Variants in ADAMTS18 observed in about 807,000 individuals in gnomAD.
ADAMTS18 encodes the protein A disintegrin and metalloproteinase with thrombospondin motifs 18.
In ADAMTS18, 157 loss-of-function variants were observed where a neutral mutation model predicts 165.9. That is an observed-to-expected ratio of 0.95 (90% CI 0.83 to 1.08). ADAMTS18 has a LOEUF of 1.08. Ranked by LOEUF, ADAMTS18 falls within the 50% of genes least tolerant of loss-of-function variation. The probability of loss-of-function intolerance (pLI) is 0.00; values close to 1 mark genes in which losing one functional copy is unlikely to be tolerated. For missense variants in ADAMTS18, 2,040 were observed against 1,534.0 expected (o/e 1.33, Z -5.51); for synonymous variants, 782 against 578.2 (o/e 1.35, Z -5.06).
chr16:77,310,794 A>G (rs74025795), intron 16 of ADAMTS18, among the ~76,000 whole-genome samples: 8,608 of 151,996 alleles, frequency 0.057, 670 homozygotes, highest in African/African-American at 0.17. Context: ...CTCCCAGCTA[A>G]TTTTTGTATT....
At chr16:77,304,008 C>A (rs563009362) in intron 16 of ADAMTS18, among the ~76,000 whole-genome samples, 2 of 152,014 alleles carry the variant, frequency 1.3e-5, no homozygotes, top group South Asian at 4.1e-4. Flanking sequence ...CCAGCCTGGG[C>A]GACAGAGCAA....
chr16:77,308,669 T>C (rs2055725862), intron 16 of ADAMTS18, among the ~76,000 whole-genome samples: 1 of 152,056 alleles, frequency 6.6e-6, no homozygotes, highest in South Asian at 2.1e-4. Context: ...CCATATTGCT[T>C]AAACAAAGGA....
At chr16:77,423,946 C>A (rs945076140) in intron 3 of ADAMTS18, among the ~76,000 whole-genome samples, 1 of 152,158 alleles carries the variant, frequency 6.6e-6, no homozygotes, top group Non-Finnish European at 1.5e-5. Context: ...CTTCAATGGC[C>A]ATTTCCTTCC....
intron 22 of ADAMTS18, among the ~76,000 whole-genome samples, chr16:77,286,263 C>G (rs1015478394): frequency 6.6e-6 from 1 of 152,154 alleles, no homozygotes; most frequent in East Asian, 1.9e-4. Flanking sequence ...AGTGGTCGTG[C>G]CTGATCATTA....
chr16:77,324,361 T>C (rs1312419111), intron 13 of ADAMTS18, among the ~76,000 whole-genome samples: 1 of 152,230 alleles, frequency 6.6e-6, no homozygotes, highest in Non-Finnish European at 1.5e-5. Context: ...AGAATGCCTC[T>C]AGTGATGGGG....
At chr16:77,342,113 G>A (rs1029926019) in intron 10 of ADAMTS18, among the ~76,000 whole-genome samples, 9 of 152,150 alleles carry the variant, frequency 5.9e-5, no homozygotes, top group South Asian at 2.1e-4. Flanking sequence ...GATAACCGTC[G>A]TAGCAGAATA....
chr16:77,379,557 C>T (rs188510807), intron 3 of ADAMTS18, among the ~76,000 whole-genome samples: 7 of 152,204 alleles, frequency 4.6e-5, no homozygotes, highest in South Asian at 4.1e-4. Context: ...GGAGCTATTT[C>T]GGCTCACTGC....
Position 77,380,280 on chromosome 16 carries a change from C to T in ADAMTS18, c.496-12557G>A, listed in dbSNP as rs531103098. Reference sequence around the variant, plus strand: ...GTCTTCAAAGCCCTTCAACTATAACCGTCTGTACGGATGTAAATGTCATCT... The same window carrying T: ...GTCTTCAAAGCCCTTCAACTATAACTGTCTGTACGGATGTAAATGTCATCT... On this transcript the variant is annotated intron_variant, in intron 3 of 22. Coordinates refer to ENST00000282849, the MANE Select transcript of ADAMTS18 (RefSeq NM_199355.4). Among the ~76,000 whole-genome samples the T allele has an allele frequency of 1.2e-3, 183 of 152,296 alleles. 1 individual carries two copies. Among genetic ancestry groups the T allele is most frequent in the Middle Eastern group, 3.4e-3 (1 of 294 alleles).
intron 3 of ADAMTS18, among the ~76,000 whole-genome samples, chr16:77,391,801 G>A (rs141547899): frequency 2.0e-5 from 3 of 152,216 alleles, no homozygotes; most frequent in Non-Finnish European, 4.4e-5. Flanking sequence ...CAGGCAAGGG[G>A]ACCCAGGAAT....
At chr16:77,314,133 C>T (rs559325397) in intron 16 of ADAMTS18, among the ~76,000 whole-genome samples, 3 of 152,174 alleles carry the variant, frequency 2.0e-5, no homozygotes, top group Admixed American at 6.5e-5. Context: ...CTTTGAGGGA[C>T]GTCCACCAAA....
chr16:77,432,998 G>C (rs1176152917), intron 2 of ADAMTS18, among the ~76,000 whole-genome samples: 3 of 152,088 alleles, frequency 2.0e-5, no homozygotes, highest in Non-Finnish European at 4.4e-5. Context: ...TAAAAATGCT[G>C]TATAATTGAC....
rs755079078 is a variant in ADAMTS18 at position 77,353,744 on chromosome 16, C to T, written c.1603G>A (p.Gly535Ser). ...ACAAGCAAACATACCTTCACAAAACCAAGGCTGCATAACTTGGCTTTTGCT... is the reference window on the plus strand; with the variant it reads ...ACAAGCAAACATACCTTCACAAAACTAAGGCTGCATAACTTGGCTTTTGCT... ...FGAKAKLCSL[G>S]FVKDICKSLW... The change falls in exon 10 of 23, where the codon GGT (glycine) becomes AGT (serine). Residue 535 changes from glycine to serine, a missense_variant. Physicochemically the swap from Gly to Ser is moderately conservative, Grantham distance 56 (BLOSUM62 0). Coordinates refer to ENST00000282849, the MANE Select transcript of ADAMTS18 (RefSeq NM_199355.4). The T allele has an allele frequency of 2.5e-6, 4 of 1,614,110 alleles. No individual in the cohort carries two copies. Among genetic ancestry groups the T allele is most frequent in the Middle Eastern group, 1.6e-4 (1 of 6,062 alleles).
At chr16:77,362,974 G>C (rs1386416058) in intron 6 of ADAMTS18, among the ~76,000 whole-genome samples, 2 of 152,144 alleles carry the variant, frequency 1.3e-5, no homozygotes, top group Admixed American at 1.3e-4. Flanking sequence ...AAAACCATTT[G>C]ACAAGCTGTT....
In ADAMTS18 at chr16:77,300,280, G is replaced by C. The variant is rs1470019799; in HGVS notation, c.2657C>G (p.Ser886Cys). Reference protein sequence around the residue: ...YTWSIVQSECSVSCGGGYINV... With the variant: ...YTWSIVQSECCVSCGGGYINV... ...TCATCTACCTCCACCACAGGAGACG[G>C]AGCACTCTGACTGCACGATACTCCA... is the stretch of plus-strand genomic sequence containing the variant. Residue 886 changes from serine to cysteine, a missense_variant, in exon 17 of 23, where the codon TCC becomes TGC. Coordinates refer to ENST00000282849, the MANE Select transcript of ADAMTS18 (RefSeq NM_199355.4). 6.2e-7 allele frequency: 1 copy of C among 1,614,058 alleles called. No homozygotes were observed. The highest frequency in any genetic ancestry group is 8.5e-7 in the Non-Finnish European group (1 of 1,179,960).
At position 77,293,239 on chromosome 16, in the gene ADAMTS18, C is replaced by T. The variant is rs142167857; in HGVS notation, c.3026G>A (p.Arg1009Gln). Reference protein sequence around the residue: ...PWSQCSKTCGRGVRKRELLCK... With the variant: ...PWSQCSKTCGQGVRKRELLCK... ...GAGGAGTTCACGCTTCCTCACCCCT[C>T]GTCCACAGGTCTTGGAACACTTGAG... Residue 1009 changes from arginine to glutamine, a missense_variant, in exon 20 of 23, where the codon CGA becomes CAA. Coordinates refer to ENST00000282849, the MANE Select transcript of ADAMTS18 (RefSeq NM_199355.4). 116 of 1,613,750 alleles carry T rather than the reference C, an allele frequency of 7.2e-5. No homozygotes were observed. The highest frequency in any genetic ancestry group is 2.5e-4 in the African/African-American group (19 of 74,898).
At chr16:77,386,645 T>C (rs1325507421) in intron 3 of ADAMTS18, among the ~76,000 whole-genome samples, 2 of 152,180 alleles carry the variant, frequency 1.3e-5, no homozygotes, top group Admixed American at 6.6e-5. Context: ...TTGTGACCCC[T>C]GCCCTAATTC....
intron 12 of ADAMTS18, among the ~76,000 whole-genome samples, chr16:77,327,109 C>T (rs2056108268): frequency 6.6e-6 from 1 of 152,196 alleles, no homozygotes; most frequent in Non-Finnish European, 1.5e-5. Flanking sequence ...GATGGGCATT[C>T]AGGTTGATTC....
At chr16:77,422,639 G>A (rs2057618564) in intron 3 of ADAMTS18, among the ~76,000 whole-genome samples, 1 of 151,384 alleles carries the variant, frequency 6.6e-6, no homozygotes, top group Non-Finnish European at 1.5e-5. Flanking sequence ...AGGGAAGAAA[G>A]GAAAGAAGAA....
intron 22 of ADAMTS18, among the ~76,000 whole-genome samples, chr16:77,288,047 C>A (rs2055289406): frequency 1.3e-5 from 2 of 152,134 alleles, no homozygotes; most frequent in Non-Finnish European, 2.9e-5. Flanking sequence ...TTTCATGTAG[C>A]CCTACACTCA....
Sources: allele counts gnomAD v4.1 joint callset (sites outside exome capture counted in the v4.1 genomes callset), GRCh38; gene constraint gnomAD v4.1.1; transcripts MANE v1.5; gene names NCBI Gene and HGNC (gene_info 2026-07-23, HGNC 2026-07-21).